The following SLCO3A1 variants were observed in gnomAD, a reference collection of about 807,000 sequenced individuals.
SLCO3A1 encodes the protein solute carrier organic anion transporter family member 3A1.
In SLCO3A1, 27 loss-of-function variants were observed where a neutral mutation model predicts 63.1. That is an observed-to-expected ratio of 0.43 (90% CI 0.32 to 0.59). SLCO3A1 has a LOEUF of 0.59. Among genes scored for constraint, SLCO3A1 ranks in the 20% least tolerant of loss-of-function variants. The pLI is 0.09. For missense variants in SLCO3A1, 773 were observed against 945.8 expected, an observed-to-expected ratio of 0.82 and a Z score of 2.40; for synonymous variants, 473 against 409.9, an observed-to-expected ratio of 1.15 and a Z score of -1.86.
chr15:91,873,551 C>T (rs2151336284), intron 1 of SLCO3A1, among the ~76,000 whole-genome samples: 1 of 151,932 alleles, frequency 6.6e-6, no homozygotes, highest in African/African-American at 2.4e-5. Flanking sequence ...CACACACACA[C>T]ACACACACAC....
Position 91,854,328 on chromosome 15 carries a change from G to T in SLCO3A1, c.180+240G>T. Reference sequence around the variant, plus strand: ...TAGCAGCTCGCGCGCGTCCGGCTGGGGCAGGGGGTGCCGGGGGAGGAGAGG... The same window carrying T: ...TAGCAGCTCGCGCGCGTCCGGCTGGTGCAGGGGGTGCCGGGGGAGGAGAGG... On this transcript the variant is annotated intron_variant, in intron 1 of 9. Coordinates refer to ENST00000318445, the MANE Select transcript of SLCO3A1 (RefSeq NM_013272.4). This position sits in a 1 kb window ranked among gnomAD's most constrained non-coding sequence, Gnocchi z 6.4. The T allele has an allele frequency of 8.7e-7, 1 of 1,144,112 alleles. No individual in the cohort carries two copies. Among genetic ancestry groups the T allele is most frequent in the Non-Finnish European group, 1.1e-6 (1 of 931,010 alleles). The allele number at this position is 1,144,112 out of a possible 1,614,324, so 70.9% of individuals were successfully genotyped here. A position where few individuals can be genotyped will look rare whatever the true frequency, so the allele number is the denominator to read the frequency against.
At chr15:91,995,135 G>T (rs528159443) in intron 2 of SLCO3A1, among the ~76,000 whole-genome samples, 1 of 152,308 alleles carries the variant, frequency 6.6e-6, no homozygotes, top group Non-Finnish European at 1.5e-5. Flanking sequence ...AAGTGGAGCG[G>T]CTCTGCTGGC....
At chr15:91,922,000 G>A (rs573338572) in intron 2 of SLCO3A1, among the ~76,000 whole-genome samples, 18 of 152,280 alleles carry the variant, frequency 1.2e-4, no homozygotes, top group Non-Finnish European at 2.4e-4. Context: ...CTCCCAGAGT[G>A]CTGGAATTAC....
chr15:91,982,826 C>T (rs543041913), intron 2 of SLCO3A1, among the ~76,000 whole-genome samples: 1 of 152,328 alleles, frequency 6.6e-6, no homozygotes, highest in African/African-American at 2.4e-5. Context: ...CACGGGCTTG[C>T]CCAAGGCCAC....
intron 2 of SLCO3A1, among the ~76,000 whole-genome samples, chr15:91,932,487 C>A (rs201236923): frequency 6.6e-6 from 1 of 151,900 alleles, no homozygotes; most frequent in Admixed American, 6.6e-5. Context: ...GCTCTATTGC[C>A]CAGGCTGGAG....
At chr15:91,892,777 C>T (rs192588589) in intron 1 of SLCO3A1, among the ~76,000 whole-genome samples, 3 of 152,184 alleles carry the variant, frequency 2.0e-5, no homozygotes, top group Non-Finnish European at 4.4e-5. Flanking sequence ...TCACCAGCTG[C>T]GTGACTACTC....
At position 91,865,472 on chromosome 15, in the gene SLCO3A1, G is replaced by A. The variant is rs1897142613; in HGVS notation, c.180+11384G>A. 6.6e-6 allele frequency among the ~76,000 whole-genome samples: 1 copy of A among 152,150 alleles called. No individual in the cohort carries two copies. Among genetic ancestry groups the A allele is most frequent in the Non-Finnish European group, 1.5e-5 (1 of 68,036 alleles). On this transcript the variant is annotated intron_variant, in intron 1 of 9. Coordinates refer to ENST00000318445, the MANE Select transcript of SLCO3A1 (RefSeq NM_013272.4). This position sits in a 1 kb window ranked among gnomAD's most constrained non-coding sequence, Gnocchi z 4.6. ...CTGCTGTAACAAATTACCACAAACTGGGTGGCTTGAAACAAATTTTTTGTC... is the reference window on the plus strand; with the variant it reads ...CTGCTGTAACAAATTACCACAAACTAGGTGGCTTGAAACAAATTTTTTGTC...
At chr15:91,985,931 A>T (rs1443284004) in intron 2 of SLCO3A1, among the ~76,000 whole-genome samples, 1 of 152,148 alleles carries the variant, frequency 6.6e-6, no homozygotes, top group Non-Finnish European at 1.5e-5. Flanking sequence ...GAGGAGCAGG[A>T]TGGAGCCCTG....
chr15:92,041,764 C>T (rs1027317928), intron 2 of SLCO3A1, among the ~76,000 whole-genome samples: 5 of 152,114 alleles, frequency 3.3e-5, no homozygotes, highest in African/African-American at 4.8e-5. Flanking sequence ...GACGAAATAC[C>T]ATCTTAGGTA....
chr15:92,133,174 T>C (rs2048016823), intron 7 of SLCO3A1, among the ~76,000 whole-genome samples: 1 of 146,054 alleles, frequency 6.8e-6, no homozygotes, highest in Non-Finnish European at 1.5e-5. Context: ...CCGACAACTG[T>C]AAATGTCTCC....
At chr15:91,905,919 T>TC (rs1216253817) in intron 1 of SLCO3A1, among the ~76,000 whole-genome samples, 1 of 152,192 alleles carries the variant, frequency 6.6e-6, no homozygotes, top group Non-Finnish European at 1.5e-5. Context: ...ATAGGCCCAT[T>TC]AGCCTTCACC....
At chr15:91,884,166 G>T (rs1897665392) in intron 1 of SLCO3A1, among the ~76,000 whole-genome samples, 1 of 152,204 alleles carries the variant, frequency 6.6e-6, no homozygotes, top group Non-Finnish European at 1.5e-5. Flanking sequence ...GAGAGTTAGA[G>T]AAATTTTCTC....
At chr15:92,035,777 C>T (rs886867612) in intron 2 of SLCO3A1, among the ~76,000 whole-genome samples, 7 of 151,848 alleles carry the variant, frequency 4.6e-5, no homozygotes, top group African/African-American at 1.4e-4. Flanking sequence ...CCAGAAAAGG[C>T]ATTGCTTCCT....
At chr15:91,888,394 A>G (rs1298668883) in intron 1 of SLCO3A1, among the ~76,000 whole-genome samples, 1 of 152,042 alleles carries the variant, frequency 6.6e-6, no homozygotes, top group Non-Finnish European at 1.5e-5. Context: ...CTCTTCATTC[A>G]CTTAATTTCA....
intron 2 of SLCO3A1, among the ~76,000 whole-genome samples, chr15:92,057,913 A>G (rs758716437): frequency 6.6e-6 from 1 of 152,022 alleles, no homozygotes; most frequent in South Asian, 2.1e-4. Context: ...ACAAAGCCCA[A>G]CTCTTTGCTG....
chr15:92,070,200 C>T (rs755344769), intron 2 of SLCO3A1, among the ~76,000 whole-genome samples: 27 of 152,224 alleles, frequency 1.8e-4, no homozygotes, highest in Admixed American at 3.3e-4. Flanking sequence ...GGTTTGATGG[C>T]ACCTCGTACC....
At chr15:91,936,858 T>C (rs1025922356) in intron 2 of SLCO3A1, among the ~76,000 whole-genome samples, 3 of 152,170 alleles carry the variant, frequency 2.0e-5, no homozygotes, top group Non-Finnish European at 2.9e-5. Flanking sequence ...AGTTCGATAT[T>C]CTGTCCTGTT....
In SLCO3A1 at chr15:91,950,347, G is replaced by A. The variant is rs1330420178; in HGVS notation, c.646+33889G>A. 1.3e-5 allele frequency among the ~76,000 whole-genome samples: 2 copies of A among 152,196 alleles called. No homozygotes were observed. Among genetic ancestry groups the A allele is most frequent in the African/African-American group, 4.8e-5 (2 of 41,454 alleles). ...AAGACAGCCAGTCGTGTTGCACGTG[G>A]GACAGGGGCCCTGGCTGGGCAGGCA... On this transcript the variant is annotated intron_variant, in intron 2 of 9. Transcript: ENST00000318445. This position sits in a 1 kb window ranked among gnomAD's most constrained non-coding sequence, Gnocchi z 4.4.
intron 2 of SLCO3A1, among the ~76,000 whole-genome samples, chr15:91,951,778 C>A (rs1034365375): frequency 1.3e-5 from 2 of 152,130 alleles, no homozygotes; most frequent in Non-Finnish European, 2.9e-5. Context: ...TGGTCTTGAA[C>A]TCCTGACCTC....
Sources: gnomAD v4.1 joint callset for allele counts (sites outside exome capture counted in the v4.1 genomes callset) on GRCh38, gnomAD v4.1.1 for gene constraint, Gnocchi (gnomAD v3.1) non-coding constraint, MANE v1.5 for transcripts, NCBI Gene and HGNC (gene_info 2026-07-23, HGNC 2026-07-21) for gene names.